Variants in MACROD2 observed in about 807,000 individuals in gnomAD.
MACROD2 encodes ADP-ribose glycohydrolase MACROD2.
Under a neutral mutation model 70.4 loss-of-function variants are expected in MACROD2, and 36 were observed. The observed-to-expected ratio is 0.51, with a 90% CI of 0.39 to 0.68. The LOEUF (loss-of-function observed/expected upper bound fraction) is 0.68. Ranked by LOEUF, MACROD2 falls within the 30% of genes least tolerant of loss-of-function variation. MACROD2 has a pLI of 0.00. For missense variants in MACROD2, 496 were observed against 538.4 expected, an observed-to-expected ratio of 0.92 and a Z score of 0.78; for synonymous variants, 172 against 178.8, an observed-to-expected ratio of 0.96 and a Z score of 0.30.
intron 5 of MACROD2, among the ~76,000 whole-genome samples, chr20:14,788,802 T>A (rs1378387768): frequency 7.6e-6 from 1 of 132,402 alleles, no homozygotes; most frequent in Non-Finnish European, 1.6e-5. Flanking sequence ...AGACTCTTGC[T>A]CTGTCCCCCA....
intron 3 of MACROD2, among the ~76,000 whole-genome samples, chr20:14,403,434 T>G (rs1218205088): frequency 6.6e-6 from 1 of 152,204 alleles, no homozygotes; most frequent in Admixed American, 6.5e-5. Context: ...TGGTATTTTT[T>G]TTAAAAAGCC....
intron 4 of MACROD2, among the ~76,000 whole-genome samples, chr20:14,582,398 C>T (rs1311805886): frequency 6.6e-6 from 1 of 152,052 alleles, no homozygotes; most frequent in East Asian, 1.9e-4. Context: ...GTCTGCTGCC[C>T]TTATTATCCT....
At chr20:14,359,216 C>T (rs375435794) in intron 3 of MACROD2, among the ~76,000 whole-genome samples, 8 of 150,972 alleles carry the variant, frequency 5.3e-5, no homozygotes, top group African/African-American at 1.5e-4. Context: ...AAACAAAAAA[C>T]ACCTAGATTG....
In MACROD2 at chr20:15,276,378, C is replaced by T. The variant is rs529207150; in HGVS notation, c.540+46317C>T. Reference sequence around the variant, plus strand: ...TTGTGCCACTGCACTCTGGCCTGGGCGACAGAGAGAGACTCCCTCTCAAAA... The same window carrying T: ...TTGTGCCACTGCACTCTGGCCTGGGTGACAGAGAGAGACTCCCTCTCAAAA... On this transcript the variant is annotated intron_variant, in intron 6 of 17. Transcript: ENST00000684519. Among the ~76,000 whole-genome samples the T allele has an allele frequency of 4.3e-3, 537 of 124,594 alleles. 3 individuals are homozygous for T. The highest frequency in any genetic ancestry group is 0.016 in the African/African-American group (500 of 31,704). 81.7% of individuals were successfully genotyped at this position (124,594 alleles called of 152,430 possible).
intron 3 of MACROD2, among the ~76,000 whole-genome samples, chr20:14,451,020 T>C (rs1568617435): frequency 1.3e-5 from 2 of 152,122 alleles, no homozygotes; most frequent in East Asian, 1.9e-4. Flanking sequence ...GTGACTTAAT[T>C]TGAGTTACCC....
intron 6 of MACROD2, among the ~76,000 whole-genome samples, chr20:15,397,503 T>C (rs55785513): frequency 0.031 from 4,651 of 152,174 alleles, 238 homozygotes; most frequent in African/African-American, 0.1. Context: ...TTTCACCAAG[T>C]TGCTCAGGCT....
At position 14,804,045 on chromosome 20, in the gene MACROD2, G is replaced by A. The variant is rs189549944; in HGVS notation, c.418+119086G>A. Among the ~76,000 whole-genome samples the A allele has an allele frequency of 4.2e-4, 64 of 152,074 alleles. 1 individual carries two copies. Among genetic ancestry groups the A allele is most frequent in the African/African-American group, 1.4e-3 (58 of 41,454 alleles). Reference sequence around the variant, plus strand: ...GTTGGTAATTATTTAGCAAAATTGAGTATCTTCATAGCAGCAAGATAATTA... The same window carrying A: ...GTTGGTAATTATTTAGCAAAATTGAATATCTTCATAGCAGCAAGATAATTA... On this transcript the variant is annotated intron_variant, in intron 5 of 17. Coordinates refer to ENST00000684519, the MANE Select transcript of MACROD2 (RefSeq NM_001351661.2).
intron 15 of MACROD2, among the ~76,000 whole-genome samples, chr20:16,010,613 C>T (rs548039405): frequency 4.6e-5 from 7 of 152,278 alleles, no homozygotes; most frequent in East Asian, 1.9e-4. Flanking sequence ...TGTTCAGCCA[C>T]GAGGTTTCTG....
chr20:14,451,761 G>GT (rs1480952937), intron 3 of MACROD2, among the ~76,000 whole-genome samples: 1 of 152,172 alleles, frequency 6.6e-6, no homozygotes, highest in Non-Finnish European at 1.5e-5. Flanking sequence ...CAAGAAAGTG[G>GT]TAAGGCCAAG....
chr20:14,089,815 A>G (rs2054124278), intron 3 of MACROD2, among the ~76,000 whole-genome samples: 1 of 152,208 alleles, frequency 6.6e-6, no homozygotes, highest in South Asian at 2.1e-4. Flanking sequence ...AGTCCTATGA[A>G]CCCTGTGTAA....
At chr20:14,763,271 CA>C (rs1191571404) in intron 5 of MACROD2, among the ~76,000 whole-genome samples, 7 of 152,028 alleles carry the variant, frequency 4.6e-5, no homozygotes, top group African/African-American at 9.7e-5. Flanking sequence ...ATACAGTATG[CA>C]AAAAAACTTG....
intron 3 of MACROD2, among the ~76,000 whole-genome samples, chr20:14,172,557 G>A (rs6074698): frequency 0.73 from 110,797 of 152,046 alleles, 40,664 homozygotes; most frequent in East Asian, 0.8. Flanking sequence ...CACCTGCCTC[G>A]GCCTCCCAAA....
chr20:15,846,711 C>A (rs993187518), intron 8 of MACROD2, among the ~76,000 whole-genome samples: 2 of 151,956 alleles, frequency 1.3e-5, no homozygotes, highest in African/African-American at 2.4e-5. Flanking sequence ...CAACTCACAC[C>A]CACTGGCTAG....
intron 6 of MACROD2, among the ~76,000 whole-genome samples, chr20:15,389,882 G>T (rs1330721619): frequency 2.0e-5 from 3 of 151,982 alleles, no homozygotes; most frequent in East Asian, 3.9e-4. Context: ...AAATGTTCCT[G>T]GTACTAATTT....
At chr20:14,656,657 G>A (rs749743446) in intron 4 of MACROD2, among the ~76,000 whole-genome samples, 18 of 152,102 alleles carry the variant, frequency 1.2e-4, no homozygotes, top group Admixed American at 1.2e-3. Context: ...ACTAAAACGC[G>A]TGTCTCCGAG....
intron 4 of MACROD2, among the ~76,000 whole-genome samples, chr20:14,499,177 G>T (rs900396621): frequency 7.2e-5 from 11 of 152,186 alleles, no homozygotes; most frequent in Admixed American, 2.6e-4. Flanking sequence ...TTTTACTCAG[G>T]CAGGGAGCAG....
intron 5 of MACROD2, among the ~76,000 whole-genome samples, chr20:14,763,906 G>A (rs1466638538): frequency 1.3e-5 from 2 of 152,020 alleles, no homozygotes; most frequent in Non-Finnish European, 2.9e-5. Context: ...TCTTACCCTG[G>A]AATCCATGAA....
At chr20:15,939,465 T>G (rs1402589003) in intron 12 of MACROD2, among the ~76,000 whole-genome samples, 2 of 152,148 alleles carry the variant, frequency 1.3e-5, no homozygotes, top group African/African-American at 4.8e-5. Context: ...AGCATGTCTC[T>G]TTATAGCATT....
intron 3 of MACROD2, among the ~76,000 whole-genome samples, chr20:14,088,964 G>T (rs1312830408): frequency 2.0e-5 from 3 of 152,168 alleles, no homozygotes; most frequent in Non-Finnish European, 2.9e-5. Context: ...GTGCAAAACA[G>T]AAGAACATCA....
Sources: allele counts gnomAD v4.1 joint callset (sites outside exome capture counted in the v4.1 genomes callset), GRCh38; gene constraint gnomAD v4.1.1; transcripts MANE v1.5; gene names NCBI Gene and HGNC (gene_info 2026-07-23, HGNC 2026-07-21).